Variants in PLD2 observed in about 807,000 individuals in gnomAD.
PLD2 encodes the protein phospholipase D2.
Under a neutral mutation model 119.8 loss-of-function variants are expected in PLD2, and 101 were observed. The observed-to-expected ratio is 0.84, with a 90% CI of 0.72 to 0.99. The LOEUF is 0.99. PLD2 is among the 50% of genes least tolerant of loss of function. The pLI is 0.00. For synonymous variants in PLD2, 494 were observed against 482.8 expected (o/e 1.02, Z -0.30); for missense variants, 1,164 against 1,226.8 (o/e 0.95, Z 0.76).
At chr17:4,816,516 CCT>C (rs1906987925) in intron 14 of PLD2, 102 bp from the exon 15 acceptor site, 1 of 1,212,370 alleles carries the variant, frequency 8.2e-7, no homozygotes. Context: ...TTTCATTCTT[CCT>C]CTCGGTCTCT....
chr17:4,821,770 G>A, intron 23 of PLD2, 23 bp from the exon 24 acceptor site: 1 of 1,533,938 alleles, frequency 6.5e-7, no homozygotes. Context: ...ATCTGGCCCT[G>A]CTGGGACCCC....
Position 4,815,926 on chromosome 17 carries a change from G to C in PLD2, c.1447G>C (p.Ala483Pro). The C allele has an allele frequency of 1.2e-6, 2 of 1,613,192 alleles. No homozygotes were observed. The highest frequency in any genetic ancestry group is 1.7e-6 in the Non-Finnish European group (2 of 1,179,270). Residue 483 changes from alanine to proline, a missense_variant, in exon 14 of 25, where the codon GCC (alanine) becomes CCC (proline). Transcript: ENST00000263088. The part of the protein sequence containing the change: ...TDLGDSSESA[A>P]SQPPTPRPDS... ...CCTTGGAGACTCCTCTGAATCAGCT[G>C]CCTCCCAGGTAATCCCCCTGAGGCC...
chr17:4,814,554 T>A, intron 11 of PLD2, 53 bp downstream of exon 11: 1 of 1,612,786 alleles, frequency 6.2e-7, no homozygotes, highest in Non-Finnish European at 8.5e-7. Context: ...CTGGGGCAGA[T>A]CAGCATTAGG....
At chr17:4,815,960 C>T (rs1223177677) in intron 14 of PLD2, 26 bp downstream of exon 14, 2 of 1,510,508 alleles carry the variant, frequency 1.3e-6, no homozygotes, top group Non-Finnish European at 1.8e-6. Flanking sequence ...CCTTCCTGAG[C>T]ACCCCCAAAC....
rs777092300 is a variant in PLD2, at chr17:4,817,233, C to G, written c.1789C>G (p.Pro597Ala). Residue 597 changes from proline (P) to alanine (A), a missense_variant, in exon 17 of 25, where the codon CCA becomes GCA. By Grantham distance (27) the Pro-to-Ala change is conservative. Coordinates refer to ENST00000263088, the MANE Select transcript of PLD2 (RefSeq NM_002663.5). ...GGCCAATCAGCTCCCCTTCACACTT[C>G]CAGGAGGGCAGTGCACCACCGTACA... Reference protein sequence around the residue: ...STANQLPFTLPGGQCTTVQVL... With the variant: ...STANQLPFTLAGGQCTTVQVL... 1.2e-6 allele frequency: 2 copies of G among 1,613,074 alleles called. No individual in the cohort carries two copies. The highest frequency in any genetic ancestry group is 1.1e-5 in the South Asian group (1 of 91,070).
Position 4,816,645 on chromosome 17 carries a change from C to T in PLD2, c.1481C>T (p.Pro494Leu), listed in dbSNP as rs746289087. The change falls in exon 15 of 25, where the codon CCA becomes CTA. Residue 494 changes from proline (P) to leucine (L), a missense_variant. By Grantham distance (98) the Pro-to-Leu change is moderately conservative. Transcript: ENST00000263088. ...SQPPTPRPDS[P>L]ATPDLSHNQF... ...CCTCCCACCCCGCGCCCAGACTCAC[C>T]AGCCACCCCAGACCTCTCTCACAAC... 2 of 1,614,076 alleles carry T rather than the reference C, an allele frequency of 1.2e-6. No homozygotes were observed. The highest frequency in any genetic ancestry group is 2.2e-5 in the South Asian group (2 of 91,084).
rs541141068 is a variant in PLD2 at position 4,819,963 on chromosome 17, T to C, written c.2462+381T>C. On this transcript the variant is annotated intron_variant, in intron 23 of 24. Transcript: ENST00000263088. This position sits in a 1 kb window ranked among gnomAD's most constrained non-coding sequence, Gnocchi z 4.2. Reference sequence around the variant, plus strand: ...AAAAGAGAAAAAAATCTTTTTTTTTTGAGACGGAGTTTTGCTCTTGTTGCC... The same window carrying C: ...AAAAGAGAAAAAAATCTTTTTTTTTCGAGACGGAGTTTTGCTCTTGTTGCC... Among the ~76,000 whole-genome samples, 1 of 152,300 alleles carries C rather than the reference T, an allele frequency of 6.6e-6. No individual in the cohort carries two copies. Among genetic ancestry groups the C allele is most frequent in the South Asian group, 2.1e-4 (1 of 4,828 alleles).
chr17:4,809,765 G>C lies in PLD2; in HGVS notation c.689G>C (p.Cys230Ser). The change falls in exon 8 of 25, where the codon TGT (cysteine) becomes TCT (serine). Residue 230 changes from cysteine (C) to serine (S), a missense_variant. Coordinates refer to ENST00000263088, the MANE Select transcript of PLD2 (RefSeq NM_002663.5). ...ACCTGCTGTGGCCGAGACCAAGTTT[G>C]TTATCGCTGGTCCAAGAGGTACGGG... ...GLTCCGRDQV[C>S]YRWSKRWLVV... 1 of 1,614,188 alleles carries C rather than the reference G, an allele frequency of 6.2e-7. No homozygotes were observed. The highest frequency in any genetic ancestry group is 8.5e-7 in the Non-Finnish European group (1 of 1,180,032).
chr17:4,807,924 C>T lies in PLD2; in HGVS notation c.109+43C>T. 6.2e-7 allele frequency: 1 copy of T among 1,606,852 alleles called. No individual in the cohort carries two copies. Among genetic ancestry groups the T allele is most frequent in the Non-Finnish European group, 8.5e-7 (1 of 1,174,370 alleles). ...ATGGCCCTCAGGGAGGAGAGGCGTTCGGGAGCCAGGGGGCTGGGGCCTGTT... is the reference window on the plus strand; with the variant it reads ...ATGGCCCTCAGGGAGGAGAGGCGTTTGGGAGCCAGGGGGCTGGGGCCTGTT... On this transcript the variant is annotated intron_variant, in intron 2 of 24. Transcript: ENST00000263088. This position sits in a 1 kb window ranked among gnomAD's most constrained non-coding sequence, Gnocchi z 5.4.
intron 24 of PLD2, among the ~76,000 whole-genome samples, chr17:4,822,163 C>G (rs181662964): frequency 1.1e-3 from 174 of 152,050 alleles, no homozygotes; most frequent in Non-Finnish European, 1.5e-3. Context: ...CCCAACATGG[C>G]AAAACCCCAT....
chr17:4,819,415 C>T lies in PLD2; in HGVS notation c.2309-14C>T, dbSNP rs201118179. 19 of 1,611,808 alleles carry T rather than the reference C, an allele frequency of 1.2e-5. No individual in the cohort carries two copies. The highest frequency in any genetic ancestry group is 1.3e-5 in the African/African-American group (1 of 74,862). On this transcript the variant is annotated splice_polypyrimidine_tract_variant and intron_variant, in intron 22 of 24. Coordinates refer to ENST00000263088, the MANE Select transcript of PLD2 (RefSeq NM_002663.5). This position sits in a 1 kb window ranked among gnomAD's most constrained non-coding sequence, Gnocchi z 4.2. ...CTGGGCCCAAGCACACAGTGTGCCC[C>T]GCATCCACCCCAGGTTCTGCAAACA...
Position 4,818,019 on chromosome 17 carries a change from C to A in PLD2, c.1833C>A (p.Asp611Glu). The change falls in exon 18 of 25, where the codon GAC (aspartate) becomes GAA (glutamate). Residue 611 changes from aspartate (D) to glutamate (E), a missense_variant. By Grantham distance (45) the Asp-to-Glu change is conservative. Coordinates refer to ENST00000263088, the MANE Select transcript of PLD2 (RefSeq NM_002663.5). ...CTTVQVLRSV[D>E]RWSAGTLENS... ...TTCCCTAGGTCTTGCGATCAGTGGA[C>A]CGCTGGTCAGCAGGGACTCTGGAGA... 1.2e-6 allele frequency: 2 copies of A among 1,613,032 alleles called. No individual in the cohort carries two copies. The highest frequency in any genetic ancestry group is 1.1e-5 in the South Asian group (1 of 91,074).
chr17:4,811,511 C>T (rs923686822), intron 10 of PLD2, among the ~76,000 whole-genome samples: 11 of 152,116 alleles, frequency 7.2e-5, no homozygotes, highest in Non-Finnish European at 1.3e-4. Context: ...CTCCTGACCT[C>T]GGGTGATCCG....
chr17:4,818,645 A>G (rs773993850), intron 20 of PLD2, 38 bp downstream of exon 20: 3 of 1,551,800 alleles, frequency 1.9e-6, no homozygotes, highest in Admixed American at 1.7e-5. Context: ...CAGTGGCCCC[A>G]TCCCACCCGT....
In PLD2 at chr17:4,817,275, TCAGC is replaced by T; in HGVS notation, c.1815+22_1815+25del. On this transcript the variant is annotated intron_variant, in intron 17 of 24. Coordinates refer to ENST00000263088, the MANE Select transcript of PLD2 (RefSeq NM_002663.5). ...CACCGTACAGGTGAGGCCCCCCACT[TCAGC>T]CAGCCCTCCCCTTTGTCTCCTTCAG... 6.6e-7 allele frequency: 1 copy of T among 1,507,896 alleles called. No individual in the cohort carries two copies. Among genetic ancestry groups the T allele is most frequent in the Non-Finnish European group, 9.2e-7 (1 of 1,082,540 alleles). 93.4% of individuals were successfully genotyped at this position (1,507,896 alleles called of 1,614,324 possible).
rs1162274532 is a variant in PLD2 at position 4,817,168 on chromosome 17, C to G, written c.1724C>G (p.Thr575Ser). 1.9e-6 allele frequency: 3 copies of G among 1,613,726 alleles called. No individual in the cohort carries two copies. Among genetic ancestry groups the G allele is most frequent in the Non-Finnish European group, 2.5e-6 (3 of 1,179,592 alleles). ...CAGACCACCAAGGCCAAGTACAAGA[C>G]TCCCACATACCCCTACCTGCTTCCC... ...FTKTTKAKYKTPTYPYLLPKS... is the reference protein window; with the variant it reads ...FTKTTKAKYKSPTYPYLLPKS... Residue 575 changes from threonine to serine, a missense_variant, in exon 17 of 25, where the codon ACT becomes AGT. Transcript: ENST00000263088.
chr17:4,809,911 A>G lies in PLD2; in HGVS notation c.742A>G (p.Met248Val). 6.2e-7 allele frequency: 1 copy of G among 1,614,176 alleles called. No individual in the cohort carries two copies. Among genetic ancestry groups the G allele is most frequent in the Non-Finnish European group, 8.5e-7 (1 of 1,180,034 alleles). Residue 248 changes from methionine (M) to valine (V), a missense_variant, in exon 9 of 25, where the codon ATG (methionine) becomes GTG (valine). Coordinates refer to ENST00000263088, the MANE Select transcript of PLD2 (RefSeq NM_002663.5). ...GGTGAAGGACTCCTTCCTGCTGTAC[A>G]TGTGCCTCGAGACAGGTGCCATCTC... ...LVVKDSFLLY[M>V]CLETGAISFV... is the part of the protein sequence containing the mutation.
At position 4,823,197 on chromosome 17, in the gene PLD2, C is replaced by G. The variant is rs551678946; in HGVS notation, c.*333C>G. The G allele has an allele frequency of 2.5e-5, 6 of 237,946 alleles. No homozygotes were observed. Among genetic ancestry groups the G allele is most frequent in the Non-Finnish European group, 4.1e-5 (5 of 123,218 alleles). 14.7% of individuals were successfully genotyped at this position (237,946 alleles called of 1,614,324 possible). A position where few individuals can be genotyped will look rare whatever the true frequency, so the allele number is the denominator to read the frequency against. On this transcript the variant is annotated 3_prime_UTR_variant, in exon 25 of 25. Coordinates refer to ENST00000263088, the MANE Select transcript of PLD2 (RefSeq NM_002663.5). ...TATTCCAGGAGAAGGGGGCTCTGCCCCAGGCCCTACTACCCATTGTTCCCT... is the reference window on the plus strand; with the variant it reads ...TATTCCAGGAGAAGGGGGCTCTGCCGCAGGCCCTACTACCCATTGTTCCCT...
rs749952216 is a variant in PLD2 at position 4,818,850 on chromosome 17, GC to G, written c.2173+30del. On this transcript the variant is annotated intron_variant, in intron 21 of 24. Coordinates refer to ENST00000263088, the MANE Select transcript of PLD2 (RefSeq NM_002663.5). ...TGAGTGCTGGGGGCTGGGGGCTCAA[GC>G]CCTGGGCCCCTGGGAGAGGGAGATT... The G allele has an allele frequency of 3.1e-6, 5 of 1,610,874 alleles. No homozygotes were observed. The East Asian group carries it at 1.1e-4, about 36-fold the overall frequency.
Sources: gnomAD v4.1 joint callset for allele counts (sites outside exome capture counted in the v4.1 genomes callset) on GRCh38, gnomAD v4.1.1 for gene constraint, Gnocchi (gnomAD v3.1) non-coding constraint, MANE v1.5 for transcripts, NCBI Gene and HGNC (gene_info 2026-07-23, HGNC 2026-07-21) for gene names.